ARFGEF1: variants seen among roughly 807,000 people sequenced by gnomAD.
ARFGEF1 encodes the protein brefeldin A-inhibited guanine nucleotide-exchange protein 1.
Under a neutral mutation model 231.0 loss-of-function variants are expected in ARFGEF1, and 42 were observed. That is an observed-to-expected ratio of 0.18 (90% CI 0.14 to 0.24). The LOEUF (loss-of-function observed/expected upper bound fraction) is 0.24. ARFGEF1 is among the 10% of genes least tolerant of loss of function. The probability of loss-of-function intolerance (pLI) is 1.00; values close to 1 mark genes in which losing one functional copy is unlikely to be tolerated. For missense variants in ARFGEF1, 1,345 were observed against 2,192.0 expected, an observed-to-expected ratio of 0.61 and a Z score of 7.72; for synonymous variants, 710 against 732.3, an observed-to-expected ratio of 0.97 and a Z score of 0.49.
At chr8:67,190,834 G>A in intron 5 of ARFGEF1, 3 of 1,058,144 alleles carry the variant, frequency 2.8e-6, no homozygotes, top group Non-Finnish European at 4.4e-6. Flanking sequence ...TGCTAAATCT[G>A]TGTGGCCCAA....
intron 34 of ARFGEF1, among the ~76,000 whole-genome samples, chr8:67,206,816 A>C (rs1342886771): frequency 6.6e-6 from 1 of 152,230 alleles, no homozygotes; most frequent in Non-Finnish European, 1.5e-5. Context: ...CCTACTAGAC[A>C]GTCTTGGGGC....
intron 5 of ARFGEF1, chr8:67,179,816 T>C: frequency 7.4e-7 from 1 of 1,342,850 alleles, no homozygotes; most frequent in Non-Finnish European, 1.1e-6. Context: ...TTGTTGTTTT[T>C]GTACACAAAA....
intron 5 of ARFGEF1, among the ~76,000 whole-genome samples, chr8:67,292,459 C>G (rs913178277): frequency 2.0e-4 from 31 of 151,982 alleles, no homozygotes; most frequent in Admixed American, 1.2e-3. Context: ...GAAGCTAGTA[C>G]TAACAATTAC....
chr8:67,265,230 T>C (rs568741981), intron 14 of ARFGEF1, among the ~76,000 whole-genome samples: 1 of 152,284 alleles, frequency 6.6e-6, no homozygotes, highest in Admixed American at 6.5e-5. Context: ...TTTTTCATAT[T>C]AACACTGGAG....
At chr8:67,236,381 T>C (rs1449381088) in intron 22 of ARFGEF1, among the ~76,000 whole-genome samples, 1 of 52,332 alleles carries the variant, frequency 1.9e-5, no homozygotes, top group African/African-American at 8.4e-5. Context: ...TATATATATA[T>C]ATATATATAT....
chr8:67,235,699 T>A (rs912270191), intron 22 of ARFGEF1, among the ~76,000 whole-genome samples: 1 of 152,106 alleles, frequency 6.6e-6, no homozygotes, highest in African/African-American at 2.4e-5. Context: ...TTTACTTTAG[T>A]AACTTTAATT....
chr8:67,319,149 C>T lies in ARFGEF1; in HGVS notation c.125-16683G>A, dbSNP rs184548745. On this transcript the variant is annotated intron_variant, in intron 1 of 38. Coordinates refer to ENST00000262215, the MANE Select transcript of ARFGEF1 (RefSeq NM_006421.5). Reference sequence around the variant, plus strand: ...GAAAGTATAAAAACAATAAAGATTTCCCCAAAATTATCTGCAGATTTAATC... The same window carrying T: ...GAAAGTATAAAAACAATAAAGATTTTCCCAAAATTATCTGCAGATTTAATC... Among the ~76,000 whole-genome samples, 854 of 152,188 alleles carry T rather than the reference C, an allele frequency of 5.6e-3. 4 individuals carry two copies. The highest frequency in any genetic ancestry group is 8.2e-3 in the Non-Finnish European group (560 of 68,002).
At chr8:67,338,481 G>A (rs1187514178) in intron 1 of ARFGEF1, among the ~76,000 whole-genome samples, 3 of 152,168 alleles carry the variant, frequency 2.0e-5, no homozygotes, top group Non-Finnish European at 4.4e-5. Context: ...TTTCTTGGAG[G>A]ACTTTTCAGA....
At chr8:67,286,219 G>A (rs1205421382) in intron 7 of ARFGEF1, among the ~76,000 whole-genome samples, 3 of 152,208 alleles carry the variant, frequency 2.0e-5, no homozygotes, top group African/African-American at 7.2e-5. Context: ...CATACATTAT[G>A]TGCATGGTAT....
chr8:67,272,000 T>C, intron 9 of ARFGEF1, 64 bp from the exon 10 acceptor site: 2 of 980,622 alleles, frequency 2.0e-6, no homozygotes, highest in Middle Eastern at 2.4e-4. Flanking sequence ...TAACAGGTTG[T>C]TCCAAAAATA....
chr8:67,262,370 G>C (rs1410893329), intron 14 of ARFGEF1, among the ~76,000 whole-genome samples: 1 of 152,146 alleles, frequency 6.6e-6, no homozygotes, highest in African/African-American at 2.4e-5. Flanking sequence ...TTTAACATAT[G>C]AGTAGCTGCT....
intron 1 of ARFGEF1, among the ~76,000 whole-genome samples, chr8:67,308,154 T>C (rs1340639102): frequency 1.3e-5 from 2 of 152,200 alleles, no homozygotes; most frequent in Non-Finnish European, 2.9e-5. Context: ...TCTCCCTCAG[T>C]CATTTCAGTT....
chr8:67,222,267 G>GTATGTATA (rs1839222401), intron 29 of ARFGEF1, among the ~76,000 whole-genome samples: 2 of 113,520 alleles, frequency 1.8e-5, no homozygotes, highest in Non-Finnish European at 1.8e-5. Flanking sequence ...ATGTATGTAT[G>GTATGTATA]TATTTTTTTT....
At chr8:67,224,052 C>A (rs977697746) in intron 29 of ARFGEF1, among the ~76,000 whole-genome samples, 1 of 151,856 alleles carries the variant, frequency 6.6e-6, no homozygotes. Context: ...CAAATTTAAC[C>A]TTGGTGGGGG....
At chr8:67,257,390 A>G (rs1444247741) in intron 17 of ARFGEF1, among the ~76,000 whole-genome samples, 1 of 152,130 alleles carries the variant, frequency 6.6e-6, no homozygotes, top group Non-Finnish European at 1.5e-5. Context: ...CTGAAACATT[A>G]TATTTTTTAG....
downstream of ARFGEF1, among the ~76,000 whole-genome samples, chr8:67,197,293 A>T (rs529831486): frequency 2.8e-4 from 43 of 151,412 alleles, no homozygotes; most frequent in East Asian, 5.2e-3. Flanking sequence ...AAAAAAAAAA[A>T]TTTTTTTTTA....
chr8:67,206,888 C>G (rs1362597076), intron 34 of ARFGEF1, among the ~76,000 whole-genome samples: 1 of 152,210 alleles, frequency 6.6e-6, no homozygotes, highest in East Asian at 1.9e-4. Flanking sequence ...AAACATTTTA[C>G]TACAAATTCC....
In ARFGEF1 at chr8:67,227,700, G is replaced by C. The variant is rs974024423; in HGVS notation, c.3592-102C>G. Reference sequence around the variant, plus strand: ...GAAAAAGTATAGAATAGCATAGATAGGTAAATCCTAAGATTTTCCATAAAG... The same window carrying C: ...GAAAAAGTATAGAATAGCATAGATACGTAAATCCTAAGATTTTCCATAAAG... On this transcript the variant is annotated intron_variant, in intron 25 of 38. Transcript: ENST00000262215. 3.2e-6 allele frequency: 4 copies of C among 1,268,548 alleles called. No homozygotes were observed. The Admixed American group carries it at 7.1e-5, about 22-fold the overall frequency. The allele number at this position is 1,268,548 out of a possible 1,614,324, so 78.6% of individuals were successfully genotyped here.
At chr8:67,328,843 AAAAGAAGGAG>A (rs1157902773) in intron 1 of ARFGEF1, among the ~76,000 whole-genome samples, 2 of 152,244 alleles carry the variant, frequency 1.3e-5, no homozygotes, top group Non-Finnish European at 2.9e-5. Context: ...TGAGGGTTTG[AAAAGAAGGAG>A]AAAGAAGGAG....
Sources: allele counts gnomAD v4.1 joint callset (sites outside exome capture counted in the v4.1 genomes callset), GRCh38; gene constraint gnomAD v4.1.1; transcripts MANE v1.5; gene names NCBI Gene and HGNC (gene_info 2026-07-23, HGNC 2026-07-21).